UBE2F: variants seen among roughly 807,000 people sequenced by gnomAD.
The protein encoded by UBE2F is NEDD8-conjugating enzyme UBE2F.
Under a neutral mutation model 29.6 loss-of-function variants are expected in UBE2F, and 5 were observed. The observed-to-expected ratio is 0.17, with a 90% CI of 0.09 to 0.36. The LOEUF (loss-of-function observed/expected upper bound fraction) is 0.36, where lower values mean the gene tolerates loss of function less well. UBE2F is among the 10% of genes least tolerant of loss of function. The pLI, the probability that UBE2F is intolerant of heterozygous loss-of-function variation, is 1.00. For missense variants in UBE2F, 141 were observed against 228.5 expected (o/e 0.62, Z 2.47); for synonymous variants, 66 against 81.8 (o/e 0.81, Z 1.04).
chr2:237,984,157 T>G (rs1479987437), intron 2 of UBE2F, among the ~76,000 whole-genome samples: 5 of 151,984 alleles, frequency 3.3e-5, no homozygotes, highest in Non-Finnish European at 7.4e-5. Context: ...CTGGGTGCCA[T>G]CTTTGACCCC....
chr2:237,972,564 TTTTTG>T (rs2063197319), intron 1 of UBE2F, among the ~76,000 whole-genome samples: 1 of 148,576 alleles, frequency 6.7e-6, no homozygotes, highest in African/African-American at 2.5e-5. Context: ...TTTTTTTTTT[TTTTTG>T]AGACAGGGTC....
chr2:238,014,688 T>C (rs115476303), intron 4 of UBE2F, among the ~76,000 whole-genome samples: 2,705 of 152,314 alleles, frequency 0.018, 70 homozygotes, highest in African/African-American at 0.062. Context: ...TGTGTAACAG[T>C]TCACAGAGTG....
chr2:238,012,832 GT>G (rs2106378474), intron 4 of UBE2F, among the ~76,000 whole-genome samples: 1 of 152,292 alleles, frequency 6.6e-6, no homozygotes, highest in East Asian at 1.9e-4. Context: ...TCTCAAAGGG[GT>G]AATGCCTGCT....
At chr2:238,027,289 C>T (rs571988797) in intron 6 of UBE2F, among the ~76,000 whole-genome samples, 1 of 152,150 alleles carries the variant, frequency 6.6e-6, no homozygotes, top group Non-Finnish European at 1.5e-5. Flanking sequence ...CCTTACTATT[C>T]ATTATAAAAA....
intron 5 of UBE2F, among the ~76,000 whole-genome samples, chr2:238,022,743 G>C (rs2064325495): frequency 6.6e-6 from 1 of 152,146 alleles, no homozygotes. Context: ...CATACATTAG[G>C]CTTCTGGCAG....
chr2:237,970,935 ACTC>A (rs2063164565), intron 1 of UBE2F, among the ~76,000 whole-genome samples: 1 of 151,980 alleles, frequency 6.6e-6, no homozygotes, highest in Non-Finnish European at 1.5e-5. Flanking sequence ...CTGGTCTAGA[ACTC>A]CTGACCTCAG....
intron 4 of UBE2F, among the ~76,000 whole-genome samples, chr2:238,011,101 C>T (rs575930841): frequency 9.5e-4 from 144 of 152,300 alleles, no homozygotes; most frequent in African/African-American, 3.3e-3. Context: ...TCCTGCTCTG[C>T]GATCCATTTA....
At position 237,981,823 on chromosome 2, in the gene UBE2F, C is replaced by T. The variant is rs574645355; in HGVS notation, c.119-6140C>T. Among the ~76,000 whole-genome samples the T allele has an allele frequency of 4.5e-4, 68 of 151,880 alleles. 1 individual carries two copies. Among genetic ancestry groups the T allele is most frequent in the Admixed American group, 3.3e-3 (50 of 15,248 alleles). On this transcript the variant is annotated intron_variant, in intron 2 of 9. Transcript: ENST00000272930. ...TGTATCTTTTGTAGAGACAAGGTTT[C>T]GCCACGTTGCCCAGGCTGGTCTCAA...
chr2:238,037,910 GTTCT>G (rs2064753660), intron 9 of UBE2F, among the ~76,000 whole-genome samples: 1 of 152,202 alleles, frequency 6.6e-6, no homozygotes, highest in Non-Finnish European at 1.5e-5. Context: ...TTTGAACACA[GTTCT>G]AAAACCCCTC....
intron 9 of UBE2F, among the ~76,000 whole-genome samples, chr2:238,039,323 G>C (rs147270257): frequency 6.6e-6 from 1 of 152,234 alleles, no homozygotes; most frequent in Non-Finnish European, 1.5e-5. Context: ...ACAGAGGGCC[G>C]GGTGGTGAGA....
intron 4 of UBE2F, among the ~76,000 whole-genome samples, chr2:237,997,931 C>T (rs1476287648): frequency 6.6e-6 from 1 of 152,080 alleles, no homozygotes. Flanking sequence ...AAAACAAAAA[C>T]GTAAAAGATA....
At chr2:237,991,609 C>CTTTCTTTTTTTTTTTTTTTTTTTTTTTT (rs57180067) in intron 3 of UBE2F, among the ~76,000 whole-genome samples, 19 of 53,050 alleles carry the variant, frequency 3.6e-4, no homozygotes, top group African/African-American at 5.6e-4. Context: ...TTCTTTCTTT[C>CTTTCTTTTTTTTTTTTTTTTTTTTTTTT]TTTTTTTTTT....
At position 238,009,914 on chromosome 2, in the gene UBE2F, A is replaced by G. The variant is rs1576620617; in HGVS notation, c.215-6652A>G. 3.3e-5 allele frequency among the ~76,000 whole-genome samples: 5 copies of G among 152,318 alleles called. No individual in the cohort carries two copies. In the East Asian group the frequency reaches 7.7e-4, roughly 23 times the overall value. ...AGTGTAGAATATAAATACCACAGAT[A>G]TGCCCACCACCACAGATACTCCCAT... is the stretch of plus-strand genomic sequence containing the variant. On this transcript the variant is annotated intron_variant, in intron 4 of 9. Transcript: ENST00000272930.
chr2:238,004,370 G>A (rs886749840), intron 4 of UBE2F, among the ~76,000 whole-genome samples: 4 of 151,728 alleles, frequency 2.6e-5, no homozygotes, highest in African/African-American at 4.8e-5. Flanking sequence ...TTGGAGATGC[G>A]TCTGCTCAAC....
intron 6 of UBE2F, among the ~76,000 whole-genome samples, chr2:238,027,064 A>G (rs1229951439): frequency 6.6e-6 from 1 of 152,142 alleles, no homozygotes; most frequent in Non-Finnish European, 1.5e-5. Context: ...TTAGTCAGAA[A>G]TGGGTCCAGA....
chr2:237,994,690 C>CAT lies in UBE2F; in HGVS notation c.149-51_149-50dup. ...ACACGTGTTCAAAGGTTAGCGTCAA[C>CAT]ATATGGACTGCTGCTCACTGCCAGA... On this transcript the variant is annotated intron_variant, in intron 3 of 9. Transcript: ENST00000272930. 5 of 1,433,734 alleles carry CAT rather than the reference C, an allele frequency of 3.5e-6. No individual in the cohort carries two copies. In the South Asian group the frequency reaches 4.6e-5, roughly 13 times the overall value. The allele number at this position is 1,433,734 out of a possible 1,614,324, so 88.8% of individuals were successfully genotyped here. A position where few individuals can be genotyped will look rare whatever the true frequency, so the allele number is the denominator to read the frequency against.
intron 9 of UBE2F, among the ~76,000 whole-genome samples, chr2:238,037,746 T>C (rs1285195655): frequency 6.6e-6 from 1 of 152,154 alleles, no homozygotes; most frequent in Non-Finnish European, 1.5e-5. Flanking sequence ...GCTGGGACTG[T>C]GGGCATGCGC....
chr2:238,021,854 A>G (rs6738290), intron 5 of UBE2F, among the ~76,000 whole-genome samples: 10,910 of 152,264 alleles, frequency 0.072, 425 homozygotes, highest in African/African-American at 0.11. Context: ...GCTGCCCCAG[A>G]ATAAATAGGG....
intron 9 of UBE2F, among the ~76,000 whole-genome samples, chr2:238,037,255 A>G (rs1318406508): frequency 9.8e-5 from 15 of 152,358 alleles, no homozygotes; most frequent in African/African-American, 3.6e-4. Flanking sequence ...AAAAAGGTAT[A>G]ACAAAACCCA....
Sources: allele counts gnomAD v4.1 joint callset (sites outside exome capture counted in the v4.1 genomes callset), GRCh38; gene constraint gnomAD v4.1.1; transcripts MANE v1.5; gene names NCBI Gene and HGNC (gene_info 2026-07-23, HGNC 2026-07-21).